Variants in MCCC2 observed in about 807,000 individuals in gnomAD.
The protein encoded by MCCC2 is methylcrotonoyl-CoA carboxylase beta chain, mitochondrial.
Under a neutral mutation model 77.2 loss-of-function variants are expected in MCCC2, and 52 were observed. The ratio of observed to expected loss-of-function variants is 0.67; its 90% CI spans 0.54 to 0.85. MCCC2 has a LOEUF of 0.85. Among genes scored for constraint, MCCC2 ranks in the 40% least tolerant of loss-of-function variants. The pLI is 0.00. For synonymous variants in MCCC2, 253 were observed against 248.4 expected, an observed-to-expected ratio of 1.02 and a Z score of -0.18; for missense variants, 682 against 703.2, an observed-to-expected ratio of 0.97 and a Z score of 0.34.
chr5:71,641,393 G>T, intron 11 of MCCC2: 1 of 333,856 alleles, frequency 3.0e-6, no homozygotes, highest in Non-Finnish European at 5.6e-6. Flanking sequence ...TGTTTTTCTG[G>T]ATAACAATAA....
chr5:71,653,952 T>C (rs1423074659), intron 16 of MCCC2, among the ~76,000 whole-genome samples: 1 of 151,920 alleles, frequency 6.6e-6, no homozygotes, highest in Non-Finnish European at 1.5e-5. Context: ...AGAACATAAT[T>C]AGTTTGAGGA....
Position 71,657,023 on chromosome 5 carries a change from T to A in MCCC2, c.*163T>A, listed in dbSNP as rs1215030233. 1 of 592,404 alleles carries A rather than the reference T, an allele frequency of 1.7e-6. No homozygotes were observed. The allele number at this position is 592,404 out of a possible 1,614,324, so 36.7% of individuals were successfully genotyped here. A position where few individuals can be genotyped will look rare whatever the true frequency, so the allele number is the denominator to read the frequency against. ...AAAATCAGTGAGGATATTTATTTAA[T>A]GAACATCAATTCCTTTTAAATTTTC... is the stretch of plus-strand genomic sequence containing the variant. On this transcript the variant is annotated 3_prime_UTR_variant, in exon 17 of 17. Transcript: ENST00000340941.
intron 6 of MCCC2, among the ~76,000 whole-genome samples, chr5:71,614,484 C>CT (rs34050987): frequency 0.41 from 56,599 of 139,062 alleles, 11,834 homozygotes; most frequent in South Asian, 0.46. Flanking sequence ...CTCTCTCTCT[C>CT]TTTTTTTTTT....
intron 10 of MCCC2, among the ~76,000 whole-genome samples, chr5:71,638,536 T>C (rs1309242676): frequency 6.6e-6 from 1 of 152,244 alleles, no homozygotes; most frequent in Non-Finnish European, 1.5e-5. Context: ...TTTCTTTTTT[T>C]TTGAGACGGA....
At chr5:71,604,585 T>C in intron 6 of MCCC2, 117 bp downstream of exon 6, 2 of 785,902 alleles carry the variant, frequency 2.5e-6, no homozygotes, top group Non-Finnish European at 4.1e-6. Flanking sequence ...ATCTAATCTT[T>C]TTTTTTTTTT....
chr5:71,645,946 C>T (rs577842254), intron 12 of MCCC2, among the ~76,000 whole-genome samples: 2 of 152,118 alleles, frequency 1.3e-5, no homozygotes, highest in African/African-American at 2.4e-5. Context: ...CCTGTAGTTC[C>T]AGCTACTCAG....
intron 16 of MCCC2, 80 bp from the exon 17 acceptor site, chr5:71,656,663 C>A: frequency 9.0e-7 from 1 of 1,107,720 alleles, no homozygotes; most frequent in South Asian, 1.2e-5. Context: ...GGAAAACTTC[C>A]TTGGCATTTC....
intron 2 of MCCC2, among the ~76,000 whole-genome samples, chr5:71,594,893 T>C (rs1337249708): frequency 3.6e-5 from 2 of 55,872 alleles, no homozygotes; most frequent in African/African-American, 4.1e-5. Context: ...GTCTTAAGTC[T>C]CTCTCTTTTT....
chr5:71,650,966 G>T (rs1747422581), intron 15 of MCCC2, among the ~76,000 whole-genome samples: 1 of 151,972 alleles, frequency 6.6e-6, no homozygotes, highest in African/African-American at 2.4e-5. Flanking sequence ...TGTATTTTTA[G>T]TAGAGACAGG....
rs532248384 is a variant in MCCC2, at chr5:71,638,581, C to T, written c.1000-2422C>T. On this transcript the variant is annotated intron_variant, in intron 10 of 16. Coordinates refer to ENST00000340941, the MANE Select transcript of MCCC2 (RefSeq NM_022132.5). ...TGTCGCCCAGGCTGGAATGCAGTGG[C>T]GCAATCTTGGCTCACTGCAACCTCT... Among the ~76,000 whole-genome samples the T allele has an allele frequency of 1.7e-4, 26 of 152,112 alleles. No homozygotes were observed. In the South Asian group the frequency reaches 1.9e-3, roughly 11 times the overall value.
chr5:71,613,276 C>T (rs915431375), intron 6 of MCCC2, among the ~76,000 whole-genome samples: 2 of 152,240 alleles, frequency 1.3e-5, no homozygotes, highest in Non-Finnish European at 2.9e-5. Context: ...CTATAGCCCT[C>T]TATCATCTAA....
intron 11 of MCCC2, among the ~76,000 whole-genome samples, chr5:71,641,529 T>A (rs1325057005): frequency 6.6e-6 from 1 of 152,198 alleles, no homozygotes; most frequent in East Asian, 1.9e-4. Context: ...AGCCTCTGTG[T>A]AGGTCTTAAG....
chr5:71,593,020 A>G, intron 2 of MCCC2, 28 bp downstream of exon 2: 1 of 1,560,432 alleles, frequency 6.4e-7, no homozygotes, highest in Non-Finnish European at 8.8e-7. Context: ...TCCACAGCTT[A>G]TGCCTTTACT....
rs757802618 is a variant in MCCC2 at position 71,656,811 on chromosome 5, C to T, written c.1643C>T (p.Ala548Val). 6.2e-7 allele frequency: 1 copy of T among 1,614,054 alleles called. No individual in the cohort carries two copies. The highest frequency in any genetic ancestry group is 1.7e-5 in the Admixed American group (1 of 60,012). The change falls in exon 17 of 17, where the codon GCC becomes GTC. Residue 548 changes from alanine (A) to valine (V), a missense_variant. Physicochemically the swap from Ala to Val is moderately conservative, Grantham distance 64. Transcript: ENST00000340941. ...RLVLGLSFSA[A>V]LNAPIEKTDF... ...GTCTTGGGTCTCAGTTTTAGTGCAG[C>T]CCTCAACGCACCAATAGAGAAGACT...
rs35873168 is a variant in MCCC2 at position 71,604,582 on chromosome 5, C to CT, written c.624+128dup. On this transcript the variant is annotated intron_variant, in intron 6 of 16. Transcript: ENST00000340941. ...AACAGAATTTAACACAAAATCTAAT[C>CT]TTTTTTTTTTTTTTATACTTTAGGT... 0.3 allele frequency: 195,526 copies of CT among 649,516 alleles called. 8,211 individuals are homozygous for CT. Among genetic ancestry groups the CT allele is most frequent in the Admixed American group, 0.43 (16,122 of 37,280 alleles). The allele number at this position is 649,516 out of a possible 1,614,324, so 40.2% of individuals were successfully genotyped here. A position where few individuals can be genotyped will look rare whatever the true frequency, so the allele number is the denominator to read the frequency against.
intron 6 of MCCC2, among the ~76,000 whole-genome samples, chr5:71,618,607 G>GAA (rs1746261521): frequency 6.7e-6 from 1 of 148,560 alleles, no homozygotes. Context: ...GGCTGGTCTT[G>GAA]AACTCCTGGC....
At chr5:71,607,679 T>A (rs1745741810) in intron 6 of MCCC2, among the ~76,000 whole-genome samples, 1 of 148,410 alleles carries the variant, frequency 6.7e-6, no homozygotes, top group South Asian at 2.2e-4. Context: ...AGGGTGTCAA[T>A]TTTGGATCTT....
intron 7 of MCCC2, among the ~76,000 whole-genome samples, chr5:71,630,872 T>C (rs1746684225): frequency 6.6e-6 from 1 of 152,230 alleles, no homozygotes; most frequent in Non-Finnish European, 1.5e-5. Context: ...ATAAAAGCTT[T>C]TCTTATTTGA....
At chr5:71,596,396 G>A (rs2112294113) in intron 3 of MCCC2, 32 bp downstream of exon 3, 1 of 1,539,568 alleles carries the variant, frequency 6.5e-7, no homozygotes, top group Non-Finnish European at 9.0e-7. Flanking sequence ...GACTCAGAGT[G>A]TTCTCTGTTC....
Sources: allele counts gnomAD v4.1 joint callset (sites outside exome capture counted in the v4.1 genomes callset), GRCh38; gene constraint gnomAD v4.1.1; transcripts MANE v1.5; gene names NCBI Gene and HGNC (gene_info 2026-07-23, HGNC 2026-07-21).